Variants in PGP observed in about 807,000 individuals in gnomAD.
The protein encoded by PGP is aspartate-based ubiquitous Mg(2+)-dependent phosphatase.
In PGP, 9 loss-of-function variants were observed where a neutral mutation model predicts 19.3. That is an observed-to-expected ratio of 0.47 (90% CI 0.28 to 0.81). The LOEUF (loss-of-function observed/expected upper bound fraction) is 0.81, where lower values mean the gene tolerates loss of function less well. Among genes scored for constraint, PGP ranks in the 40% least tolerant of loss-of-function variants. PGP has a pLI of 0.11. For synonymous variants in PGP, 308 were observed against 226.8 expected (o/e 1.36, Z -3.22); for missense variants, 403 against 479.9 (o/e 0.84, Z 1.50).
chr16:2,214,751 G>C lies in PGP; in HGVS notation c.27C>G (p.Asp9Glu). The C allele has an allele frequency of 8.5e-7, 1 of 1,180,030 alleles. No individual in the cohort carries two copies. 73.1% of individuals were successfully genotyped at this position (1,180,030 alleles called of 1,614,324 possible). A position where few individuals can be genotyped will look rare whatever the true frequency, so the allele number is the denominator to read the frequency against. Residue 9 changes from aspartate (D) to glutamate (E), a missense_variant, in exon 1 of 2, where the codon GAC (aspartate) becomes GAG (glutamate). Coordinates refer to ENST00000333503, the MANE Select transcript of PGP (RefSeq NM_001042371.3). This position sits in a 1 kb window ranked among gnomAD's most constrained non-coding sequence, Gnocchi z 7.1. ...CGCTCAGCCGCACGCAGCGGGCGTC[G>C]TCGCCACCGGCCTCCGCCGCCGCCA... MAAAEAGG[D>E]DARCVRLSAE...
rs1234461134 is a variant in PGP at position 2,213,722 on chromosome 16, C to A, written c.*6G>T. 3 of 1,510,580 alleles carry A rather than the reference C, an allele frequency of 2.0e-6. No homozygotes were observed. The highest frequency in any genetic ancestry group is 2.7e-6 in the Non-Finnish European group (3 of 1,128,592). The allele number at this position is 1,510,580 out of a possible 1,614,324, so 93.6% of individuals were successfully genotyped here. A position where few individuals can be genotyped will look rare whatever the true frequency, so the allele number is the denominator to read the frequency against. ...TTTTATTCTGCAGATTAAAGACACT[C>A]AATCTTTAACCTTGAAGGGCAGGCA... is the stretch of plus-strand genomic sequence containing the variant. On this transcript the variant is annotated 3_prime_UTR_variant, in exon 2 of 2. Coordinates refer to ENST00000333503, the MANE Select transcript of PGP (RefSeq NM_001042371.3).
chr16:2,213,461 C>A lies in PGP; in HGVS notation c.*267G>T, dbSNP rs2093380459. On this transcript the variant is annotated 3_prime_UTR_variant, in exon 2 of 2. Coordinates refer to ENST00000333503, the MANE Select transcript of PGP (RefSeq NM_001042371.3). Reference sequence around the variant, plus strand: ...ACCTGAATCCCGGACAGGTGCAGAGCCTGCCCCTGCCAACCCCACCCAAGG... The same window carrying A: ...ACCTGAATCCCGGACAGGTGCAGAGACTGCCCCTGCCAACCCCACCCAAGG... The A allele has an allele frequency of 7.9e-6, 6 of 756,716 alleles. No individual in the cohort carries two copies. The highest frequency in any genetic ancestry group is 1.1e-5 in the Non-Finnish European group (6 of 568,190). 46.9% of individuals were successfully genotyped at this position (756,716 alleles called of 1,614,324 possible).
Position 2,212,492 on chromosome 16 carries a change from C to T in PGP, c.*1236G>A. On this transcript the variant is annotated 3_prime_UTR_variant, in exon 2 of 2. Coordinates refer to ENST00000333503, the MANE Select transcript of PGP (RefSeq NM_001042371.3). ...AGGAGCAGGCAGGAGAGGCTGGAGC[C>T]CCGCCCAGAACCTTGGCGAGCTGGT... 1.0e-6 allele frequency: 1 copy of T among 985,578 alleles called. No individual in the cohort carries two copies. The highest frequency in any genetic ancestry group is 1.2e-6 in the Non-Finnish European group (1 of 829,998). The allele number at this position is 985,578 out of a possible 1,614,324, so 61.1% of individuals were successfully genotyped here.
At position 2,214,316 on chromosome 16, in the gene PGP, G is replaced by T; in HGVS notation, c.462C>A (p.Gly154=). The T allele has an allele frequency of 6.5e-7, 1 of 1,544,164 alleles. No individual in the cohort carries two copies. The highest frequency in any genetic ancestry group is 8.7e-7 in the Non-Finnish European group (1 of 1,152,270). The change falls in exon 1 of 2, where the codon GGC becomes GGA. Residue 154 remains glycine (G), a synonymous_variant. Coordinates refer to ENST00000333503, the MANE Select transcript of PGP (RefSeq NM_001042371.3). This position sits in a 1 kb window ranked among gnomAD's most constrained non-coding sequence, Gnocchi z 7.1. ...GCTCCAGCGGCGCGTGCAGCCAGTCGCCGGGACCCTCGCCCTGCAGTGGCT... is the reference window on the plus strand; with the variant it reads ...GCTCCAGCGGCGCGTGCAGCCAGTCTCCGGGACCCTCGCCCTGCAGTGGCT... ...GPEPLQGEGP[G]DWLHAPLEPD... is the part of the protein sequence containing the mutation.
Position 2,212,766 on chromosome 16 carries a change from A to G in PGP, c.*962T>C, listed in dbSNP as rs1189792778. The G allele has an allele frequency of 1.0e-6, 1 of 985,032 alleles. No homozygotes were observed. Among genetic ancestry groups the G allele is most frequent in the African/African-American group, 1.7e-5 (1 of 57,148 alleles). The allele number at this position is 985,032 out of a possible 1,614,324, so 61.0% of individuals were successfully genotyped here. A position where few individuals can be genotyped will look rare whatever the true frequency, so the allele number is the denominator to read the frequency against. On this transcript the variant is annotated 3_prime_UTR_variant, in exon 2 of 2. Coordinates refer to ENST00000333503, the MANE Select transcript of PGP (RefSeq NM_001042371.3). ...GCGCTGCTGGCTGCAGGGCACCTGG[A>G]TGACAGGCATTCCTTGGCCAACACA...
rs1044935798 is a variant in PGP at position 2,213,609 on chromosome 16, C to T, written c.*119G>A. 7 of 997,368 alleles carry T rather than the reference C, an allele frequency of 7.0e-6. No homozygotes were observed. In the South Asian group the frequency reaches 1.2e-4, roughly 17 times the overall value. 61.8% of individuals were successfully genotyped at this position (997,368 alleles called of 1,614,324 possible). A position where few individuals can be genotyped will look rare whatever the true frequency, so the allele number is the denominator to read the frequency against. The stretch of plus-strand genomic sequence containing the variant: ...GTTAACAATGAATGCCTTTGCTTAA[C>T]TCCAATTACACTCTTTGAAGCCACT... On this transcript the variant is annotated 3_prime_UTR_variant, in exon 2 of 2. Transcript: ENST00000333503.
rs909932087 is a variant in PGP at position 2,212,078 on chromosome 16, C to G, written c.*1650G>C. The G allele has an allele frequency of 2.0e-6, 2 of 985,426 alleles. No homozygotes were observed. The highest frequency in any genetic ancestry group is 5.2e-4 in the Middle Eastern group (1 of 1,938). The allele number at this position is 985,426 out of a possible 1,614,324, so 61.0% of individuals were successfully genotyped here. A position where few individuals can be genotyped will look rare whatever the true frequency, so the allele number is the denominator to read the frequency against. On this transcript the variant is annotated 3_prime_UTR_variant, in exon 2 of 2. Coordinates refer to ENST00000333503, the MANE Select transcript of PGP (RefSeq NM_001042371.3). ...GCCAGAGACAGGATGCACGGGGACT[C>G]CCAGCCCCTACCCGGCAAGAGAGGC...
rs571396888 is a variant in PGP at position 2,213,162 on chromosome 16, G to GT, written c.*565dup. The stretch of plus-strand genomic sequence containing the variant: ...AGGAAGTAAGGGAGGTGGGAGAGTG[G>GT]TGAGGGCAGCACTTTGCACCCAAGG... On this transcript the variant is annotated 3_prime_UTR_variant, in exon 2 of 2. Coordinates refer to ENST00000333503, the MANE Select transcript of PGP (RefSeq NM_001042371.3). The GT allele has an allele frequency of 1.4e-3, 1,412 of 985,490 alleles. 3 individuals are homozygous for GT. The highest frequency in any genetic ancestry group is 1.8e-3 in the South Asian group (39 of 21,296). 61.0% of individuals were successfully genotyped at this position (985,490 alleles called of 1,614,324 possible). A position where few individuals can be genotyped will look rare whatever the true frequency, so the allele number is the denominator to read the frequency against.
Position 2,214,553 on chromosome 16 carries a change from A to C in PGP, c.225T>G (p.Ala75=). 2.7e-6 allele frequency: 4 copies of C among 1,461,820 alleles called. No homozygotes were observed. The highest frequency in any genetic ancestry group is 3.6e-6 in the Non-Finnish European group (4 of 1,109,976). The allele number at this position is 1,461,820 out of a possible 1,614,324, so 90.6% of individuals were successfully genotyped here. A position where few individuals can be genotyped will look rare whatever the true frequency, so the allele number is the denominator to read the frequency against. ...FITNNSSKTR[A]AYAEKLRRLG... ...GGCGCCGCAGCTTCTCGGCGTAGGCAGCGCGGGTCTTGCTGCTGTTGTTGG... is the reference window on the plus strand; with the variant it reads ...GGCGCCGCAGCTTCTCGGCGTAGGCCGCGCGGGTCTTGCTGCTGTTGTTGG... The change falls in exon 1 of 2, where the codon GCT becomes GCG. Residue 75 remains alanine (A), a synonymous_variant. Transcript: ENST00000333503. The surrounding 1 kb of genome is among the most constrained non-coding windows in gnomAD (Gnocchi z 7.1).
Position 2,212,758 on chromosome 16 carries a change from G to A in PGP, c.*970C>T, listed in dbSNP as rs1255159899. 2.0e-6 allele frequency: 2 copies of A among 985,246 alleles called. No individual in the cohort carries two copies. The highest frequency in any genetic ancestry group is 1.7e-5 in the African/African-American group (1 of 57,230). The allele number at this position is 985,246 out of a possible 1,614,324, so 61.0% of individuals were successfully genotyped here. A position where few individuals can be genotyped will look rare whatever the true frequency, so the allele number is the denominator to read the frequency against. On this transcript the variant is annotated 3_prime_UTR_variant, in exon 2 of 2. Transcript: ENST00000333503. ...CTTGAGCCGCGCTGCTGGCTGCAGGGCACCTGGATGACAGGCATTCCTTGG... is the reference window on the plus strand; with the variant it reads ...CTTGAGCCGCGCTGCTGGCTGCAGGACACCTGGATGACAGGCATTCCTTGG...
At position 2,212,848 on chromosome 16, in the gene PGP, C is replaced by A. The variant is rs1245563163; in HGVS notation, c.*880G>T. On this transcript the variant is annotated 3_prime_UTR_variant, in exon 2 of 2. Coordinates refer to ENST00000333503, the MANE Select transcript of PGP (RefSeq NM_001042371.3). ...AGAGGCTCCTTCAGTGGAATTTTGC[C>A]TACGACACAGAGCACAGCTATTAAT... The A allele has an allele frequency of 1.0e-6, 1 of 985,376 alleles. No homozygotes were observed. Among genetic ancestry groups the A allele is most frequent in the Non-Finnish European group, 1.2e-6 (1 of 829,952 alleles). 61.0% of individuals were successfully genotyped at this position (985,376 alleles called of 1,614,324 possible).
In PGP at chr16:2,212,974, G is replaced by A. The variant is rs2093379171; in HGVS notation, c.*754C>T. The A allele has an allele frequency of 1.0e-6, 1 of 985,520 alleles. No individual in the cohort carries two copies. The allele number at this position is 985,520 out of a possible 1,614,324, so 61.0% of individuals were successfully genotyped here. A position where few individuals can be genotyped will look rare whatever the true frequency, so the allele number is the denominator to read the frequency against. On this transcript the variant is annotated 3_prime_UTR_variant, in exon 2 of 2. Coordinates refer to ENST00000333503, the MANE Select transcript of PGP (RefSeq NM_001042371.3). ...CCTGCACTGCAGCCCGGAGTTCAGTGAAGGCGTCCACGCCATGGTAGCTGC... is the reference window on the plus strand; with the variant it reads ...CCTGCACTGCAGCCCGGAGTTCAGTAAAGGCGTCCACGCCATGGTAGCTGC...
At position 2,211,691 on chromosome 16, in the gene PGP, TACGGGTGTGAGCC is replaced by T. The variant is rs932686801; in HGVS notation, c.*2024_*2036del. 1 of 985,280 alleles carries T rather than the reference TACGGGTGTGAGCC, an allele frequency of 1.0e-6. No individual in the cohort carries two copies. Among genetic ancestry groups the T allele is most frequent in the African/African-American group, 1.7e-5 (1 of 57,238 alleles). 61.0% of individuals were successfully genotyped at this position (985,280 alleles called of 1,614,324 possible). On this transcript the variant is annotated 3_prime_UTR_variant, in exon 2 of 2. Coordinates refer to ENST00000333503, the MANE Select transcript of PGP (RefSeq NM_001042371.3). ...CCTCAGCCTTCCAAAGCGTTGGGAT[TACGGGTGTGAGCC>T]ACTGCGCCCGGGCCAGCATTACTTC...
rs749427853 is a variant in PGP, at chr16:2,214,572, T to C, written c.206A>G (p.Asn69Ser). ...GTAGGCAGCGCGGGTCTTGCTGCTG[T>C]TGTTGGTGATGAAGCCCAGGCGCTT... Reference protein sequence around the residue: ...RGKRLGFITNNSSKTRAAYAE... With the variant: ...RGKRLGFITNSSSKTRAAYAE... Residue 69 changes from asparagine (N) to serine (S), a missense_variant, in exon 1 of 2, where the codon AAC (asparagine) becomes AGC (serine). Coordinates refer to ENST00000333503, the MANE Select transcript of PGP (RefSeq NM_001042371.3). This position sits in a 1 kb window ranked among gnomAD's most constrained non-coding sequence, Gnocchi z 7.1. 3.4e-5 allele frequency: 50 copies of C among 1,471,992 alleles called. 1 individual carries two copies. The highest frequency in any genetic ancestry group is 2.4e-4 in the African/African-American group (16 of 68,036). 91.2% of individuals were successfully genotyped at this position (1,471,992 alleles called of 1,614,324 possible). A position where few individuals can be genotyped will look rare whatever the true frequency, so the allele number is the denominator to read the frequency against.
Position 2,213,068 on chromosome 16 carries a change from G to C in PGP, c.*660C>G. On this transcript the variant is annotated 3_prime_UTR_variant, in exon 2 of 2. Transcript: ENST00000333503. ...GAGCTTTAGCTGGGCTGCGTTTACA[G>C]AACTGGGCAGCAGCCCTGGGTATCT... The C allele has an allele frequency of 4.1e-6, 4 of 985,502 alleles. No individual in the cohort carries two copies. The highest frequency in any genetic ancestry group is 4.8e-6 in the Non-Finnish European group (4 of 829,930). The allele number at this position is 985,502 out of a possible 1,614,324, so 61.0% of individuals were successfully genotyped here.
Position 2,214,663 on chromosome 16 carries a change from G to T in PGP, c.115C>A (p.Leu39Met). The T allele has an allele frequency of 1.4e-6, 2 of 1,441,172 alleles. No individual in the cohort carries two copies. Among genetic ancestry groups the T allele is most frequent in the South Asian group, 1.3e-5 (1 of 75,318 alleles). The allele number at this position is 1,441,172 out of a possible 1,614,324, so 89.3% of individuals were successfully genotyped here. A position where few individuals can be genotyped will look rare whatever the true frequency, so the allele number is the denominator to read the frequency against. ...DTLLFDCDGVLWRGETAVPGA... is the reference protein window; with the variant it reads ...DTLLFDCDGVMWRGETAVPGA... ...GGCACGGCGGTCTCCCCGCGCCACA[G>T]CACGCCGTCGCAGTCGAACAGCAGC... Residue 39 changes from leucine (L) to methionine (M), a missense_variant, in exon 1 of 2, where the codon CTG (leucine) becomes ATG (methionine). Coordinates refer to ENST00000333503, the MANE Select transcript of PGP (RefSeq NM_001042371.3). This position sits in a 1 kb window ranked among gnomAD's most constrained non-coding sequence, Gnocchi z 7.1.
rs758265886 is a variant in PGP, at chr16:2,213,782, G to A, written c.912C>T (p.Val304=). The change falls in exon 2 of 2, where the codon GTC becomes GTT. Residue 304 remains valine (V), a synonymous_variant. Coordinates refer to ENST00000333503, the MANE Select transcript of PGP (RefSeq NM_001042371.3). ...ESDCVSKKKM[V]PDFYVDSIAD... ...CTATGCTGTCAACATAGAAGTCAGG[G>A]ACCATTTTCTTCTTAGACACGCAGT... is the stretch of plus-strand genomic sequence containing the variant. 6 of 1,595,526 alleles carry A rather than the reference G, an allele frequency of 3.8e-6. No homozygotes were observed. Among genetic ancestry groups the A allele is most frequent in the African/African-American group, 2.7e-5 (2 of 74,454 alleles).
At position 2,213,299 on chromosome 16, in the gene PGP, C is replaced by A. The variant is rs1371874794; in HGVS notation, c.*429G>T. 2 of 987,316 alleles carry A rather than the reference C, an allele frequency of 2.0e-6. No homozygotes were observed. The highest frequency in any genetic ancestry group is 4.6e-5 in the South Asian group (1 of 21,546). 61.2% of individuals were successfully genotyped at this position (987,316 alleles called of 1,614,324 possible). ...TCAGTCATACTGATGGGGCTCTGGT[C>A]CATGCAAGCCTCTCCCAACAGTCAG... is the stretch of plus-strand genomic sequence containing the variant. On this transcript the variant is annotated 3_prime_UTR_variant, in exon 2 of 2. Coordinates refer to ENST00000333503, the MANE Select transcript of PGP (RefSeq NM_001042371.3).
rs2093378185 is a variant in PGP at position 2,212,577 on chromosome 16, C to G, written c.*1151G>C. ...AATCCAGGGCAAGGCAGGTGACCTC[C>G]TGGGCCACCAGTCTCTAACCCCTAC... On this transcript the variant is annotated 3_prime_UTR_variant, in exon 2 of 2. Coordinates refer to ENST00000333503, the MANE Select transcript of PGP (RefSeq NM_001042371.3). The G allele has an allele frequency of 4.1e-6, 4 of 985,338 alleles. No homozygotes were observed. In the South Asian group the frequency reaches 1.9e-4, roughly 46 times the overall value. The allele number at this position is 985,338 out of a possible 1,614,324, so 61.0% of individuals were successfully genotyped here.
Sources: allele counts gnomAD v4.1 joint callset, GRCh38; gene constraint gnomAD v4.1.1; non-coding constraint Gnocchi (gnomAD v3.1); transcripts MANE v1.5; gene names NCBI Gene and HGNC (gene_info 2026-07-23, HGNC 2026-07-21).